Variants in PCDH15 observed in about 807,000 individuals in gnomAD.
The protein encoded by PCDH15 is protocadherin related 15.
In PCDH15, 129 loss-of-function variants were observed where a neutral mutation model predicts 178.5. The ratio of observed to expected loss-of-function variants is 0.72; its 90% CI spans 0.63 to 0.84. The LOEUF is 0.84. Ranked by LOEUF, PCDH15 falls within the 40% of genes least tolerant of loss-of-function variation. PCDH15 has a pLI of 0.00. For missense variants in PCDH15, 2,230 were observed against 2,099.9 expected (o/e 1.06, Z -1.21); for synonymous variants, 800 against 732.0 (o/e 1.09, Z -1.50).
chr10:54,242,675 C>G (rs12252904), intron 8 of PCDH15, among the ~76,000 whole-genome samples: 8,294 of 152,132 alleles, frequency 0.055, 561 homozygotes, highest in African/African-American at 0.17. Flanking sequence ...TTGAGATAGA[C>G]ATAATAGAAG....
At chr10:55,051,259 A>G (rs553173990) in intron 2 of PCDH15, among the ~76,000 whole-genome samples, 1 of 152,262 alleles carries the variant, frequency 6.6e-6, no homozygotes, top group African/African-American at 2.4e-5. Flanking sequence ...TTATGAGGCA[A>G]GTAATATCAA....
chr10:55,064,222 T>C (rs559665319), intron 2 of PCDH15, among the ~76,000 whole-genome samples: 1 of 152,158 alleles, frequency 6.6e-6, no homozygotes, highest in African/African-American at 2.4e-5. Context: ...CAAGTAATTA[T>C]CTAGGAGTTA....
chr10:55,285,626 G>C (rs958615523), intron 1 of PCDH15, among the ~76,000 whole-genome samples: 3 of 150,500 alleles, frequency 2.0e-5, no homozygotes, highest in Non-Finnish European at 4.4e-5. Flanking sequence ...TTTTTCTTAG[G>C]ATTAATTCCT....
intron 2 of PCDH15, among the ~76,000 whole-genome samples, chr10:54,931,627 G>A (rs1383482239): frequency 6.6e-6 from 1 of 152,144 alleles, no homozygotes; most frequent in Non-Finnish European, 1.5e-5. Context: ...CTGAACTTTA[G>A]GAAGTCCTGC....
intron 3 of PCDH15, among the ~76,000 whole-genome samples, chr10:54,817,832 T>C (rs530294719): frequency 1.3e-5 from 2 of 152,154 alleles, no homozygotes; most frequent in Non-Finnish European, 2.9e-5. Context: ...GTTATTTTCA[T>C]TTTAATAGCT....
intron 28 of PCDH15, among the ~76,000 whole-genome samples, chr10:53,849,478 T>C (rs1162951563): frequency 6.6e-6 from 1 of 152,098 alleles, no homozygotes; most frequent in African/African-American, 2.4e-5. Context: ...TACAGGACCC[T>C]TTACGGAATC....
chr10:55,381,892 TGGA>T (rs1837542276), intron 2 of PCDH15, among the ~76,000 whole-genome samples: 1 of 152,160 alleles, frequency 6.6e-6, no homozygotes, highest in African/African-American at 2.4e-5. Context: ...GCTGATTGGC[TGGA>T]GGAAACAAGT....
In PCDH15 at chr10:53,924,080, C is replaced by T. The variant is rs188028223; in HGVS notation, c.3373+14735G>A. Among the ~76,000 whole-genome samples, 369 of 152,284 alleles carry T rather than the reference C, an allele frequency of 2.4e-3. 1 individual carries two copies. Among genetic ancestry groups the T allele is most frequent in the African/African-American group, 8.0e-3 (333 of 41,556 alleles). On this transcript the variant is annotated intron_variant, in intron 25 of 37. Transcript: ENST00000644397. ...CCTCAGCCTTGGCGCCCACTCTGGC[C>T]GCGCTTGAGGAGCCCTTCAGCCCGC... is the stretch of plus-strand genomic sequence containing the variant.
rs183176927 is a variant in PCDH15 at position 54,563,698 on chromosome 10, C to T, written c.92-35821G>A. 2.4e-4 allele frequency among the ~76,000 whole-genome samples: 36 copies of T among 152,184 alleles called. No homozygotes were observed. In the East Asian group the frequency reaches 5.2e-3, roughly 22 times the overall value. On this transcript the variant is annotated intron_variant, in intron 2 of 37. Coordinates refer to ENST00000644397, the MANE Select transcript of PCDH15 (RefSeq NM_001384140.1). ...ACCTTGCCCTACCAAGAGAAGGTAGCTGTTAAATTGTGGCTCCAGCTTGAG... is the reference window on the plus strand; with the variant it reads ...ACCTTGCCCTACCAAGAGAAGGTAGTTGTTAAATTGTGGCTCCAGCTTGAG...
chr10:55,521,321 GC>G (rs373924912), intron 2 of PCDH15, among the ~76,000 whole-genome samples: 90 of 152,026 alleles, frequency 5.9e-4, no homozygotes, highest in African/African-American at 2.0e-3. Context: ...ATAGGGTTAT[GC>G]CCCATTAAAC....
chr10:54,182,847 A>G (rs1441456030), intron 13 of PCDH15, among the ~76,000 whole-genome samples: 2 of 152,194 alleles, frequency 1.3e-5, no homozygotes, highest in African/African-American at 2.4e-5. Context: ...TCAAATAGCT[A>G]TGCTTTTTTT....
At chr10:54,722,857 C>T (rs1591287062) in intron 1 of PCDH15, among the ~76,000 whole-genome samples, 2 of 151,450 alleles carry the variant, frequency 1.3e-5, no homozygotes, top group Non-Finnish European at 3.0e-5. Flanking sequence ...AATATCTGTA[C>T]AAGAAGAATG....
At chr10:54,176,200 G>C (rs2047415937) in intron 13 of PCDH15, among the ~76,000 whole-genome samples, 1 of 152,098 alleles carries the variant, frequency 6.6e-6, no homozygotes, top group South Asian at 2.1e-4. Context: ...CTGTGTGTAA[G>C]TCATTATACT....
intron 21 of PCDH15, among the ~76,000 whole-genome samples, chr10:53,965,083 A>C (rs1329599340): frequency 6.9e-6 from 1 of 145,362 alleles, no homozygotes; most frequent in Non-Finnish European, 1.5e-5. Flanking sequence ...TTTGAGACAG[A>C]GTCTTGTACT....
At chr10:54,293,707 A>G (rs1333525757) in intron 8 of PCDH15, among the ~76,000 whole-genome samples, 1 of 152,248 alleles carries the variant, frequency 6.6e-6, no homozygotes, top group East Asian at 1.9e-4. Flanking sequence ...GCCAACAGAC[A>G]CATGAAAAAA....
Position 55,467,966 on chromosome 10 carries a change from C to CAAAAAAAAAAAAAAAAAAAAAA in PCDH15, c.-156+159637_-156+159658dup, listed in dbSNP as rs71463104. The stretch of plus-strand genomic sequence containing the variant: ...TGGGCGATAGAGCCAGACTCCGTCT[C>CAAAAAAAAAAAAAAAAAAAAAA]AAAAAAAAAAAAAAAAAAAAAAAAA... On this transcript the variant is annotated intron_variant, in intron 2 of 5. Coordinates refer to the PCDH15 transcript ENST00000613346. Among the ~76,000 whole-genome samples, 58 of 36,626 alleles carry CAAAAAAAAAAAAAAAAAAAAAA rather than the reference C, an allele frequency of 1.6e-3. 1 individual carries two copies. Among genetic ancestry groups the CAAAAAAAAAAAAAAAAAAAAAA allele is most frequent in the Non-Finnish European group, 2.2e-3 (49 of 22,178 alleles). The allele number at this position is 36,626 out of a possible 152,430, so 24.0% of individuals were successfully genotyped here.
rs369060668 is a variant in PCDH15, at chr10:54,254,126, CT to C, written c.877-17196del. Reference sequence around the variant, plus strand: ...GATTTCAGACTCAAAATACCATAAACTCTATCTGTTTCTTGGTATTTAAAAT... The same window carrying C: ...GATTTCAGACTCAAAATACCATAAACCTATCTGTTTCTTGGTATTTAAAAT... On this transcript the variant is annotated intron_variant, in intron 8 of 37. Transcript: ENST00000644397. Among the ~76,000 whole-genome samples the C allele has an allele frequency of 2.4e-3, 363 of 152,120 alleles. 1 individual carries two copies. The highest frequency in any genetic ancestry group is 8.4e-3 in the African/African-American group (348 of 41,522).
chr10:54,058,711 T>C (rs995175629), intron 18 of PCDH15, among the ~76,000 whole-genome samples: 5 of 140,962 alleles, frequency 3.5e-5, no homozygotes, highest in Non-Finnish European at 4.6e-5. Context: ...TTTTTTTTTT[T>C]AGACCAAGTT....
At chr10:55,600,588 G>T (rs1242021592) in intron 2 of PCDH15, among the ~76,000 whole-genome samples, 2 of 152,120 alleles carry the variant, frequency 1.3e-5, no homozygotes, top group Non-Finnish European at 2.9e-5. Flanking sequence ...AAATGGTGTA[G>T]CCGCTATTAA....
Sources: gnomAD v4.1 joint callset for allele counts (sites outside exome capture counted in the v4.1 genomes callset) on GRCh38, gnomAD v4.1.1 for gene constraint, MANE v1.5 for transcripts, NCBI Gene and HGNC (gene_info 2026-07-23, HGNC 2026-07-21) for gene names.